GYPC: variants seen among roughly 807,000 people sequenced by gnomAD.
GYPC encodes the protein glycophorin C (Gerbich blood group), also known as glycophorin-C.
In GYPC, 14 loss-of-function variants were observed where a neutral mutation model predicts 12.6. The ratio of observed to expected loss-of-function variants is 1.11; its 90% CI spans 0.74 to 1.74. GYPC has a LOEUF of 1.74. Ranked by LOEUF, GYPC falls within the 40% of genes most tolerant of loss-of-function variation. The pLI is 0.00. For missense variants in GYPC, 225 were observed against 172.1 expected (o/e 1.31, Z -1.72); for synonymous variants, 78 against 62.1 (o/e 1.26, Z -1.20).
In GYPC at chr2:126,695,999, C is replaced by A. The variant is rs769463770; in HGVS notation, c.244C>A (p.Arg82Ser). The change falls in exon 4 of 4, where the codon CGC becomes AGC. Residue 82 changes from arginine (R) to serine (S), a missense_variant. Arg to Ser is a moderately radical substitution (Grantham distance 110, BLOSUM62 -1). Coordinates refer to ENST00000259254, the MANE Select transcript of GYPC (RefSeq NM_002101.5). ...VLVSLLFVML[R>S]YMYRHKGTYH... ...AGTCTCCCTCCTCTTCGTCATGCTG[C>A]GCTACATGTACCGGCACAAGGGCAC... 2 of 1,614,102 alleles carry A rather than the reference C, an allele frequency of 1.2e-6. No homozygotes were observed. Among genetic ancestry groups the A allele is most frequent in the Non-Finnish European group, 8.5e-7 (1 of 1,179,954 alleles).
chr2:126,683,836 C>T (rs1683214667), intron 1 of GYPC, among the ~76,000 whole-genome samples: 1 of 152,184 alleles, frequency 6.6e-6, no homozygotes, highest in Non-Finnish European at 1.5e-5. Context: ...GATGTCCTTT[C>T]CTGACTCTGC....
At chr2:126,661,529 T>C (rs28387096) in intron 1 of GYPC, among the ~76,000 whole-genome samples, 97,262 of 151,186 alleles carry the variant, frequency 0.64, 31,345 homozygotes, top group Middle Eastern at 0.68. Context: ...CTTGGCTCAC[T>C]GCAACCTGCG....
At chr2:126,678,111 A>G (rs1379627505) in intron 1 of GYPC, among the ~76,000 whole-genome samples, 2 of 152,066 alleles carry the variant, frequency 1.3e-5, no homozygotes, top group Non-Finnish European at 2.9e-5. Context: ...AATCCCAGCT[A>G]CTCAGGAGGC....
intron 1 of GYPC, among the ~76,000 whole-genome samples, chr2:126,663,891 C>T (rs1682608038): frequency 6.6e-6 from 1 of 151,758 alleles, no homozygotes; most frequent in South Asian, 2.1e-4. Flanking sequence ...AGTCATTTCT[C>T]CTTTTTCCTT....
intron 1 of GYPC, among the ~76,000 whole-genome samples, chr2:126,667,631 G>C (rs576946585): frequency 9.3e-4 from 141 of 151,918 alleles, no homozygotes; most frequent in African/African-American, 3.0e-3. Flanking sequence ...TCAAACTCCC[G>C]ACCTCAGGTG....
chr2:126,686,343 T>C (rs754170379), intron 1 of GYPC: 17 of 985,676 alleles, frequency 1.7e-5, no homozygotes, highest in Non-Finnish European at 2.0e-5. Context: ...CACTGCAGGG[T>C]TGTGCCTGTG....
At chr2:126,663,423 G>A (rs904287752) in intron 1 of GYPC, among the ~76,000 whole-genome samples, 2 of 152,202 alleles carry the variant, frequency 1.3e-5, no homozygotes, top group South Asian at 2.1e-4. Context: ...ACGCACGCCA[G>A]CTGTGTGATG....
At position 126,664,316 on chromosome 2, in the gene GYPC, C is replaced by T. The variant is rs558110042; in HGVS notation, c.49+8004C>T. 4.6e-5 allele frequency among the ~76,000 whole-genome samples: 7 copies of T among 152,178 alleles called. No homozygotes were observed. The South Asian group carries it at 8.3e-4, about 18-fold the overall frequency. On this transcript the variant is annotated intron_variant, in intron 1 of 3. Transcript: ENST00000259254. ...TAGAGATGAGGCTCCACTCCACAGA[C>T]GCCATCTCATTTAGCCCTCTGGCAG...
chr2:126,679,880 A>C (rs1313795380), intron 1 of GYPC: 1 of 152,106 alleles, frequency 6.6e-6, no homozygotes, highest in East Asian at 1.9e-4. Flanking sequence ...CATCTAAAAA[A>C]AAATTAATTC....
chr2:126,677,456 A>T (rs1292611144), intron 1 of GYPC, among the ~76,000 whole-genome samples: 10 of 144,286 alleles, frequency 6.9e-5, no homozygotes, highest in African/African-American at 2.6e-4. Flanking sequence ...TGTGTATAAG[A>T]GTGTGACAGT....
At chr2:126,666,906 G>C (rs1226897080) in intron 1 of GYPC, among the ~76,000 whole-genome samples, 1 of 152,200 alleles carries the variant, frequency 6.6e-6, no homozygotes, top group East Asian at 1.9e-4. Flanking sequence ...TTGGTGCATG[G>C]ATCCTACTGA....
chr2:126,673,877 G>A (rs1313575200), intron 1 of GYPC, among the ~76,000 whole-genome samples: 2 of 152,160 alleles, frequency 1.3e-5, no homozygotes, highest in African/African-American at 4.8e-5. Flanking sequence ...TTAAATCCAG[G>A]AGGATCAGCC....
intron 1 of GYPC, among the ~76,000 whole-genome samples, chr2:126,661,867 G>A (rs1372586095): frequency 6.6e-6 from 1 of 152,174 alleles, no homozygotes; most frequent in African/African-American, 2.4e-5. Context: ...GCTCCGCTTC[G>A]GGGCATGTAG....
Position 126,696,127 on chromosome 2 carries a change from G to C in GYPC, c.372G>C (p.Lys124Asn). 1.9e-6 allele frequency: 3 copies of C among 1,613,622 alleles called. No homozygotes were observed. The highest frequency in any genetic ancestry group is 2.5e-6 in the Non-Finnish European group (3 of 1,179,538). ...ALQDAGDSSR[K>N]EYFI ...AAGATGCTGGTGATAGCAGCAGAAA[G>C]GAGTACTTTATTTGAGGGACAACAG... Residue 124 changes from lysine (K) to asparagine (N), a missense_variant, in exon 4 of 4, where the codon AAG (lysine) becomes AAC (asparagine). By Grantham distance (94) the Lys-to-Asn change is moderately conservative. Transcript: ENST00000259254.
chr2:126,671,390 A>T (rs1197074977), intron 1 of GYPC, among the ~76,000 whole-genome samples: 1 of 152,168 alleles, frequency 6.6e-6, no homozygotes, highest in Non-Finnish European at 1.5e-5. Context: ...ACCAGCTAAC[A>T]CCCAAGTTCA....
intron 1 of GYPC, chr2:126,686,742 T>C (rs1683302418): frequency 2.1e-6 from 2 of 964,520 alleles, no homozygotes; most frequent in Non-Finnish European, 1.2e-6. Context: ...AAATAGGTCC[T>C]CTCATGTCTG....
At chr2:126,676,065 A>G (rs1485511645) in intron 1 of GYPC, among the ~76,000 whole-genome samples, 2 of 152,208 alleles carry the variant, frequency 1.3e-5, no homozygotes, top group African/African-American at 2.4e-5. Flanking sequence ...CCTCCACACA[A>G]CCTGGCTTCT....
At chr2:126,686,502 T>A in intron 1 of GYPC, 1 of 985,490 alleles carries the variant, frequency 1.0e-6, no homozygotes. Context: ...ATGAGCATAG[T>A]GAAGGCTGCA....
intron 1 of GYPC, 146 bp from the exon 2 acceptor site, chr2:126,690,109 C>A: frequency 1.4e-6 from 1 of 720,596 alleles, no homozygotes; most frequent in Non-Finnish European, 2.6e-6. Flanking sequence ...TGCTAGGAGT[C>A]GGTGGGTGCA....
Sources: gnomAD v4.1 joint callset for allele counts (sites outside exome capture counted in the v4.1 genomes callset) on GRCh38, gnomAD v4.1.1 for gene constraint, MANE v1.5 for transcripts, NCBI Gene and HGNC (gene_info 2026-07-23, HGNC 2026-07-21) for gene names.